The following ST6GALNAC3 variants were observed in gnomAD, a reference collection of about 807,000 sequenced individuals.
ST6GALNAC3 encodes the protein ST6 N-acetylgalactosaminide alpha-2,6-sialyltransferase 3, also known as alpha-N-acetylgalactosaminide alpha-2,6-sialyltransferase 3.
ST6GALNAC3 carries 25 observed loss-of-function variants against 32.7 expected under a neutral mutation model. The observed-to-expected ratio is 0.76, with a 90% confidence interval of 0.56 to 1.07. ST6GALNAC3 has a LOEUF of 1.07. Ranked by LOEUF, ST6GALNAC3 falls within the 50% of genes least tolerant of loss-of-function variation. The pLI is 0.00. For missense variants in ST6GALNAC3, 355 were observed against 382.4 expected (o/e 0.93, Z 0.60); for synonymous variants, 129 against 133.1 (o/e 0.97, Z 0.21).
chr1:76,542,070 G>C (rs932059493), intron 3 of ST6GALNAC3, among the ~76,000 whole-genome samples: 1 of 152,130 alleles, frequency 6.6e-6, no homozygotes, highest in African/African-American at 2.4e-5. Flanking sequence ...TTAAAAAATA[G>C]TGTTTTCCAA....
intron 2 of ST6GALNAC3, among the ~76,000 whole-genome samples, chr1:76,364,879 G>T (rs1570975447): frequency 6.6e-6 from 1 of 152,296 alleles, no homozygotes; most frequent in East Asian, 1.9e-4. Flanking sequence ...CTATTGGTGG[G>T]AATGCAACTT....
chr1:76,148,750 CTT>C (rs779514283), intron 1 of ST6GALNAC3, among the ~76,000 whole-genome samples: 8 of 152,202 alleles, frequency 5.3e-5, no homozygotes, highest in Non-Finnish European at 1.2e-4. Flanking sequence ...ACTTTTCTCT[CTT>C]TCAAAAACCC....
rs10646330 is a variant in ST6GALNAC3, at chr1:76,611,067, G to GTATATA, written c.624-16374_624-16369dup. Among the ~76,000 whole-genome samples the GTATATA allele has an allele frequency of 3.2e-3, 474 of 148,764 alleles. 6 individuals are homozygous for GTATATA. The highest frequency in any genetic ancestry group is 8.9e-3 in the African/African-American group (363 of 40,662). ...GAATTAATCTTTTTTTCCAGGTGAGGTATATATATATATATACACACACAC... is the reference window on the plus strand; with the variant it reads ...GAATTAATCTTTTTTTCCAGGTGAGGTATATATATATATATATATATACACACACAC... On this transcript the variant is annotated intron_variant, in intron 3 of 4. Coordinates refer to ENST00000328299, the MANE Select transcript of ST6GALNAC3 (RefSeq NM_152996.4).
chr1:76,144,088 A>G lies in ST6GALNAC3; in HGVS notation c.18+69204A>G, dbSNP rs372345835. Among the ~76,000 whole-genome samples the G allele has an allele frequency of 4.6e-5, 7 of 152,262 alleles. No individual in the cohort carries two copies. In the South Asian group the frequency reaches 6.2e-4, roughly 14 times the overall value. On this transcript the variant is annotated intron_variant, in intron 1 of 4. Transcript: ENST00000328299. ...TGTGGAAATGCTCAGTAAATGAACC[A>G]GGTCTCTCAAACTCTAGGGCCCATG...
At chr1:76,239,713 G>T (rs1424380906) in intron 1 of ST6GALNAC3, among the ~76,000 whole-genome samples, 1 of 152,124 alleles carries the variant, frequency 6.6e-6, no homozygotes, top group Non-Finnish European at 1.5e-5. Flanking sequence ...CAACATCAGG[G>T]ATCACATTTC....
intron 1 of ST6GALNAC3, among the ~76,000 whole-genome samples, chr1:76,217,736 T>C (rs1655548150): frequency 6.6e-6 from 1 of 152,192 alleles, no homozygotes; most frequent in Non-Finnish European, 1.5e-5. Context: ...CCTCATAGCT[T>C]AGCTCCCACG....
intron 3 of ST6GALNAC3, among the ~76,000 whole-genome samples, chr1:76,420,173 C>T (rs1214124912): frequency 2.0e-5 from 3 of 151,968 alleles, no homozygotes; most frequent in Non-Finnish European, 4.4e-5. Context: ...GAGGCAGGGC[C>T]TGAGAATTTT....
intron 1 of ST6GALNAC3, among the ~76,000 whole-genome samples, chr1:76,110,674 C>T (rs1647865406): frequency 6.6e-6 from 1 of 152,194 alleles, no homozygotes; most frequent in Admixed American, 6.5e-5. Context: ...TGCAAGTGTC[C>T]ACCAGTGGAT....
At chr1:76,327,705 TC>T (rs1185568288) in intron 2 of ST6GALNAC3, among the ~76,000 whole-genome samples, 1 of 152,162 alleles carries the variant, frequency 6.6e-6, no homozygotes, top group Non-Finnish European at 1.5e-5. Context: ...TTCTCCTGCC[TC>T]AGCTTCCTAA....
rs575395136 is a variant in ST6GALNAC3 at position 76,596,481 on chromosome 1, A to T, written c.624-30971A>T. 2.6e-5 allele frequency among the ~76,000 whole-genome samples: 4 copies of T among 152,320 alleles called. No individual in the cohort carries two copies. The South Asian group carries it at 8.3e-4, about 32-fold the overall frequency. ...AAAGTGTAGTTTAGTATTAACTGAA[A>T]ATAATTTCTTCTTGGATAAGCACTC... On this transcript the variant is annotated intron_variant, in intron 3 of 4. Transcript: ENST00000328299.
intron 1 of ST6GALNAC3, among the ~76,000 whole-genome samples, chr1:76,142,273 C>T (rs1048292041): frequency 2.6e-5 from 4 of 152,128 alleles, no homozygotes; most frequent in Non-Finnish European, 4.4e-5. Flanking sequence ...ACAACATCAG[C>T]GGCTTAAATC....
intron 3 of ST6GALNAC3, among the ~76,000 whole-genome samples, chr1:76,617,454 G>T (rs905504253): frequency 1.3e-5 from 2 of 152,028 alleles, no homozygotes; most frequent in Admixed American, 6.6e-5. Context: ...ACCTTTATCA[G>T]GTTAGCAGGG....
chr1:76,408,527 C>T (rs897032396), intron 2 of ST6GALNAC3, among the ~76,000 whole-genome samples: 3 of 152,094 alleles, frequency 2.0e-5, no homozygotes, highest in Admixed American at 6.6e-5. Flanking sequence ...TAGTTAGCTG[C>T]TGACCTCATA....
intron 1 of ST6GALNAC3, among the ~76,000 whole-genome samples, chr1:76,198,765 T>A (rs561410780): frequency 3.4e-4 from 52 of 152,224 alleles, no homozygotes; most frequent in African/African-American, 1.2e-3. Context: ...TATGTCGGAT[T>A]TGAGGTGCCT....
At chr1:76,520,486 A>T (rs943685542) in intron 3 of ST6GALNAC3, among the ~76,000 whole-genome samples, 29 of 152,106 alleles carry the variant, frequency 1.9e-4, no homozygotes, top group Non-Finnish European at 2.4e-4. Flanking sequence ...ACATACACAC[A>T]TACACACACA....
At chr1:76,091,582 C>T (rs1647046758) in intron 1 of ST6GALNAC3, among the ~76,000 whole-genome samples, 1 of 152,204 alleles carries the variant, frequency 6.6e-6, no homozygotes, top group Non-Finnish European at 1.5e-5. Flanking sequence ...CGTTTCAGTC[C>T]AGTCAATGGC....
At chr1:76,131,226 G>A (rs1649589178) in intron 1 of ST6GALNAC3, among the ~76,000 whole-genome samples, 1 of 152,186 alleles carries the variant, frequency 6.6e-6, no homozygotes, top group Admixed American at 6.5e-5. Context: ...ATCTTATCTG[G>A]ATTTATGGCC....
At chr1:76,567,165 C>G (rs116224989) in intron 3 of ST6GALNAC3, among the ~76,000 whole-genome samples, 3 of 152,188 alleles carry the variant, frequency 2.0e-5, no homozygotes, top group African/African-American at 7.2e-5. Context: ...TCAGCAAATG[C>G]CTGGATCAAA....
chr1:76,517,190 A>G (rs1417645053), intron 3 of ST6GALNAC3, among the ~76,000 whole-genome samples: 1 of 151,832 alleles, frequency 6.6e-6, no homozygotes, highest in Non-Finnish European at 1.5e-5. Flanking sequence ...TCAATACATT[A>G]AAATATGGAC....
Sources: gnomAD v4.1 joint callset for allele counts (sites outside exome capture counted in the v4.1 genomes callset) on GRCh38, gnomAD v4.1.1 for gene constraint, MANE v1.5 for transcripts, NCBI Gene and HGNC (gene_info 2026-07-23, HGNC 2026-07-21) for gene names.